Variants in EPHA4 observed in about 807,000 individuals in gnomAD.
The protein encoded by EPHA4 is ephrin type-A receptor 4.
A neutral mutation model predicts 108.3 loss-of-function variants in EPHA4; 19 were observed. The ratio of observed to expected loss-of-function variants is 0.18; its 90% CI spans 0.12 to 0.26. EPHA4 has a LOEUF of 0.26. Among genes scored for constraint, EPHA4 ranks in the 10% least tolerant of loss-of-function variants. The pLI is 1.00. For synonymous variants in EPHA4, 449 were observed against 455.5 expected, an observed-to-expected ratio of 0.99 and a Z score of 0.18; for missense variants, 917 against 1,254.0, an observed-to-expected ratio of 0.73 and a Z score of 4.06.
At chr2:221,523,013 TC>T in intron 3 of EPHA4, among the ~76,000 whole-genome samples, 1 of 152,232 alleles carries the variant, frequency 6.6e-6, no homozygotes, top group Non-Finnish European at 1.5e-5. Flanking sequence ...TCCGCCTGCG[TC>T]GGCCTCCCAA....
At chr2:221,454,470 G>T (rs77508785) in intron 8 of EPHA4, among the ~76,000 whole-genome samples, 128 of 152,296 alleles carry the variant, frequency 8.4e-4, no homozygotes, top group African/African-American at 2.1e-3. Flanking sequence ...ACTTGGGCAA[G>T]AATTACTTCT....
chr2:221,520,287 C>T (rs1693120073), intron 3 of EPHA4, among the ~76,000 whole-genome samples: 1 of 152,090 alleles, frequency 6.6e-6, no homozygotes, highest in Non-Finnish European at 1.5e-5. Context: ...TTCCCATCAC[C>T]TACAAATAAT....
At chr2:221,475,702 G>T (rs544216927) in intron 5 of EPHA4, among the ~76,000 whole-genome samples, 23 of 152,298 alleles carry the variant, frequency 1.5e-4, no homozygotes, top group Non-Finnish European at 3.2e-4. Flanking sequence ...GTGGGAATTT[G>T]TTCCAGTAAA....
chr2:221,442,768 ATG>A, intron 11 of EPHA4, 59 bp downstream of exon 11: 4 of 1,558,620 alleles, frequency 2.6e-6, no homozygotes, highest in African/African-American at 2.7e-5. Flanking sequence ...TGGAAAGAAA[ATG>A]TGTGTTTAAT....
At chr2:221,496,114 C>T (rs1001013386) in intron 4 of EPHA4, among the ~76,000 whole-genome samples, 4 of 152,084 alleles carry the variant, frequency 2.6e-5, no homozygotes, top group African/African-American at 2.4e-5. Flanking sequence ...CAAGAGAATC[C>T]GATAAAGCTG....
At chr2:221,449,325 C>T (rs1357874748) in intron 8 of EPHA4, among the ~76,000 whole-genome samples, 1 of 152,164 alleles carries the variant, frequency 6.6e-6, no homozygotes, top group African/African-American at 2.4e-5. Context: ...ACTGGGGCAG[C>T]CAGCCTGCAG....
At chr2:221,480,321 T>C (rs1691781718) in intron 5 of EPHA4, among the ~76,000 whole-genome samples, 1 of 152,122 alleles carries the variant, frequency 6.6e-6, no homozygotes, top group Non-Finnish European at 1.5e-5. Context: ...TCCCTACTTA[T>C]AATTCGGTTA....
intron 5 of EPHA4, among the ~76,000 whole-genome samples, chr2:221,461,327 T>C (rs1487932851): frequency 1.3e-5 from 2 of 152,208 alleles, no homozygotes; most frequent in African/African-American, 2.4e-5. Context: ...TGATTTGCAA[T>C]ATTCCAGGGC....
chr2:221,527,182 T>C (rs562561038), intron 3 of EPHA4, among the ~76,000 whole-genome samples: 1 of 152,246 alleles, frequency 6.6e-6, no homozygotes, highest in Admixed American at 6.5e-5. Context: ...AGGAATAAAC[T>C]AGAACGTTGT....
Position 221,419,456 on chromosome 2 carries a change from A to T in EPHA4, c.*1916T>A, listed in dbSNP as rs1192967037. On this transcript the variant is annotated 3_prime_UTR_variant, in exon 18 of 18. Transcript: ENST00000281821. ...GACACACATATCTACGTTCATCTCC[A>T]AAAGTATATGAATTGCATATATTCG... is the stretch of plus-strand genomic sequence containing the variant. The T allele has an allele frequency of 1.3e-5, 2 of 152,654 alleles. No homozygotes were observed. Among genetic ancestry groups the T allele is most frequent in the Non-Finnish European group, 2.9e-5 (2 of 68,052 alleles). The allele number at this position is 152,654 out of a possible 1,614,324, so 9.5% of individuals were successfully genotyped here. A position where few individuals can be genotyped will look rare whatever the true frequency, so the allele number is the denominator to read the frequency against.
At chr2:221,543,617 T>A (rs2710493) in intron 3 of EPHA4, among the ~76,000 whole-genome samples, 86,173 of 152,076 alleles carry the variant, frequency 0.57, 25,216 homozygotes, top group African/African-American at 0.71. Flanking sequence ...TTCTATGCTG[T>A]ACTTAGCAGC....
intron 3 of EPHA4, among the ~76,000 whole-genome samples, chr2:221,505,482 C>T (rs1020246163): frequency 4.6e-5 from 7 of 151,978 alleles, no homozygotes; most frequent in African/African-American, 1.2e-4. Context: ...CCTGCCACTA[C>T]GCCCGGCTAA....
At chr2:221,556,582 T>G (rs1404743829) in intron 3 of EPHA4, among the ~76,000 whole-genome samples, 2 of 151,450 alleles carry the variant, frequency 1.3e-5, no homozygotes, top group East Asian at 1.9e-4. Context: ...ATTACAGGCG[T>G]GAGCCACTGC....
chr2:221,486,756 T>C (rs1312452415), intron 4 of EPHA4, among the ~76,000 whole-genome samples: 1 of 147,714 alleles, frequency 6.8e-6, no homozygotes, highest in African/African-American at 2.5e-5. Flanking sequence ...ATAATAATAA[T>C]AATAATAATA....
chr2:221,523,652 G>T (rs1693239430), intron 3 of EPHA4, among the ~76,000 whole-genome samples: 1 of 150,984 alleles, frequency 6.6e-6, no homozygotes, highest in East Asian at 2.0e-4. Context: ...GGAGTGCAGT[G>T]GTGTGATCCC....
At chr2:221,519,495 G>GTTCCTGAACTGAGGAAC (rs1300044388) in intron 3 of EPHA4, among the ~76,000 whole-genome samples, 1 of 152,240 alleles carries the variant, frequency 6.6e-6, no homozygotes, top group East Asian at 1.9e-4. Context: ...GCAATTAACA[G>GTTCCTGAACTGAGGAAC]TGAGAAAACC....
At chr2:221,460,963 C>T (rs903624790) in intron 5 of EPHA4, among the ~76,000 whole-genome samples, 2 of 152,204 alleles carry the variant, frequency 1.3e-5, no homozygotes, top group Non-Finnish European at 2.9e-5. Flanking sequence ...AAAGAAATTT[C>T]CCATTTACTG....
intron 3 of EPHA4, among the ~76,000 whole-genome samples, chr2:221,503,317 G>A (rs1392505294): frequency 6.6e-6 from 1 of 152,188 alleles, no homozygotes; most frequent in Non-Finnish European, 1.5e-5. Context: ...GGGAGTGGAA[G>A]ATCGACAAGG....
Position 221,509,012 on chromosome 2 carries a change from A to C in EPHA4, c.824-7840T>G, listed in dbSNP as rs553156238. 1.3e-4 allele frequency among the ~76,000 whole-genome samples: 20 copies of C among 152,306 alleles called. No individual in the cohort carries two copies. In the South Asian group the frequency reaches 2.5e-3, roughly 19 times the overall value. ...CTGGATAGTAAAATCAGAATAGTAC[A>C]ACCTGATTGTTGTTAAAAATTACTA... On this transcript the variant is annotated intron_variant, in intron 3 of 17. Coordinates refer to ENST00000281821, the MANE Select transcript of EPHA4 (RefSeq NM_004438.5).
Sources: gnomAD v4.1 joint callset for allele counts (sites outside exome capture counted in the v4.1 genomes callset) on GRCh38, gnomAD v4.1.1 for gene constraint, MANE v1.5 for transcripts, NCBI Gene and HGNC (gene_info 2026-07-23, HGNC 2026-07-21) for gene names.